Variants in SGCD observed in about 807,000 individuals in gnomAD.
SGCD encodes the protein sarcoglycan delta.
Under a neutral mutation model 36.6 loss-of-function variants are expected in SGCD, and 18 were observed. The observed-to-expected ratio is 0.49, with a 90% confidence interval of 0.34 to 0.73. The LOEUF (loss-of-function observed/expected upper bound fraction) is 0.73. SGCD is among the 30% of genes least tolerant of loss of function. The pLI, the probability that SGCD is intolerant of heterozygous loss-of-function variation, is 0.01. For synonymous variants in SGCD, 133 were observed against 130.6 expected, an observed-to-expected ratio of 1.02 and a Z score of -0.12; for missense variants, 387 against 346.7, an observed-to-expected ratio of 1.12 and a Z score of -0.92.
rs566224908 is a variant in SGCD, at chr5:156,079,859, G to A, written c.-281-38019G>A. Reference sequence around the variant, plus strand: ...AGCTGCTGGTGGATCTACCATTTTGGAATATGGAGGACCGTGGCCTCATTC... The same window carrying A: ...AGCTGCTGGTGGATCTACCATTTTGAAATATGGAGGACCGTGGCCTCATTC... On this transcript the variant is annotated intron_variant, in intron 1 of 9. Coordinates refer to the SGCD transcript ENST00000517913. 1.7e-3 allele frequency among the ~76,000 whole-genome samples: 252 copies of A among 152,288 alleles called. 1 individual carries two copies. The highest frequency in any genetic ancestry group is 5.6e-3 in the African/African-American group (234 of 41,558).
At chr5:155,872,364 C>G (rs1470229503) in intron 1 of SGCD, among the ~76,000 whole-genome samples, 2 of 151,572 alleles carry the variant, frequency 1.3e-5, no homozygotes, top group Non-Finnish European at 2.9e-5. Context: ...CACACACACA[C>G]ACACACACAC....
At chr5:156,438,115 G>C (rs1344712145) in intron 3 of SGCD, among the ~76,000 whole-genome samples, 1 of 152,164 alleles carries the variant, frequency 6.6e-6, no homozygotes, top group Non-Finnish European at 1.5e-5. Flanking sequence ...AATTAGGAGA[G>C]AGCATATTTG....
At chr5:155,915,583 T>A (rs1756718953) in intron 1 of SGCD, among the ~76,000 whole-genome samples, 2 of 152,184 alleles carry the variant, frequency 1.3e-5, no homozygotes, top group Admixed American at 1.3e-4. Context: ...CAATTTTATG[T>A]ATTGTTTCAT....
intron 1 of SGCD, among the ~76,000 whole-genome samples, chr5:155,906,721 A>T (rs1319079115): frequency 2.0e-5 from 3 of 152,070 alleles, no homozygotes; most frequent in Non-Finnish European, 4.4e-5. Context: ...AAGCTAGCAG[A>T]TGTTGGTTCA....
intron 3 of SGCD, among the ~76,000 whole-genome samples, chr5:156,490,049 A>G (rs1313728363): frequency 6.6e-6 from 1 of 152,048 alleles, no homozygotes; most frequent in Non-Finnish European, 1.5e-5. Flanking sequence ...CTGATCCGAC[A>G]CAAATGCAAG....
At chr5:156,652,221 C>G (rs895299334) in intron 7 of SGCD, among the ~76,000 whole-genome samples, 2 of 151,966 alleles carry the variant, frequency 1.3e-5, no homozygotes, top group Admixed American at 1.3e-4. Context: ...TGGCTTACAC[C>G]TGTAATCCCA....
intron 3 of SGCD, among the ~76,000 whole-genome samples, chr5:156,359,294 C>A (rs1424465007): frequency 6.6e-6 from 1 of 152,176 alleles, no homozygotes; most frequent in Non-Finnish European, 1.5e-5. Context: ...TGGCCACTTA[C>A]AGGTATATCA....
chr5:156,304,244 T>C (rs898842251), intron 3 of SGCD, among the ~76,000 whole-genome samples: 3 of 152,228 alleles, frequency 2.0e-5, no homozygotes, highest in Non-Finnish European at 4.4e-5. Context: ...AGTTAGTTGA[T>C]ACAGTTTGAC....
At chr5:156,010,190 T>C (rs1234718290) in intron 1 of SGCD, among the ~76,000 whole-genome samples, 1 of 152,222 alleles carries the variant, frequency 6.6e-6, no homozygotes, top group African/African-American at 2.4e-5. Flanking sequence ...GTGGTACTTA[T>C]CATAACTTTC....
chr5:156,146,199 C>T (rs574402922), intron 3 of SGCD, among the ~76,000 whole-genome samples: 8 of 152,148 alleles, frequency 5.3e-5, no homozygotes, highest in East Asian at 1.9e-4. Context: ...GGCGACAGAG[C>T]GAGACTCCAT....
At chr5:155,881,742 G>T (rs769104266) in intron 1 of SGCD, among the ~76,000 whole-genome samples, 1 of 152,166 alleles carries the variant, frequency 6.6e-6, no homozygotes, top group Non-Finnish European at 1.5e-5. Context: ...TGATCCTCTC[G>T]AATCCTGCTG....
At chr5:155,777,631 C>T in the SGCD span, among the ~76,000 whole-genome samples, 2 of 152,200 alleles carry the variant, frequency 1.3e-5, no homozygotes, top group Non-Finnish European at 2.9e-5. Flanking sequence ...GCTGGGATTA[C>T]AGTTGGGAGC....
upstream of SGCD, among the ~76,000 whole-genome samples, chr5:155,868,133 C>A (rs1268465818): frequency 4.0e-5 from 6 of 151,866 alleles, no homozygotes; most frequent in African/African-American, 1.5e-4. Context: ...CTCACTACAA[C>A]CTCTGCCTCC....
chr5:156,153,195 A>G lies in SGCD; in HGVS notation c.-44+29176A>G, dbSNP rs537813144. ...ACTGAATGTTGCAAACCTGTCACAGAGTCATAGATAAGTAGCCTTGCAAAG... is the reference window on the plus strand; with the variant it reads ...ACTGAATGTTGCAAACCTGTCACAGGGTCATAGATAAGTAGCCTTGCAAAG... On this transcript the variant is annotated intron_variant, in intron 3 of 9. Transcript: ENST00000517913. Among the ~76,000 whole-genome samples the G allele has an allele frequency of 3.9e-4, 59 of 151,526 alleles. 1 individual carries two copies. The South Asian group carries it at 0.012, about 31-fold the overall frequency.
At chr5:155,994,265 T>C (rs898607034) in intron 1 of SGCD, among the ~76,000 whole-genome samples, 2 of 152,218 alleles carry the variant, frequency 1.3e-5, no homozygotes, top group Admixed American at 6.5e-5. Context: ...CTTGGTTTTC[T>C]CATCTAGAAA....
Position 156,764,432 on chromosome 5 carries a change from C to G in SGCD, c.*5042C>G, listed in dbSNP as rs957263186. ...CTGCTGCTTCAGCCAGCACAGCACA[C>G]CACACACGCTCGCACTTTCAAAAGC... On this transcript the variant is annotated 3_prime_UTR_variant, in exon 9 of 9. Coordinates refer to ENST00000337851, the MANE Select transcript of SGCD (RefSeq NM_000337.6). 4 of 152,634 alleles carry G rather than the reference C, an allele frequency of 2.6e-5. No homozygotes were observed. The highest frequency in any genetic ancestry group is 5.9e-5 in the Non-Finnish European group (4 of 68,032). The allele number at this position is 152,634 out of a possible 1,614,324, so 9.5% of individuals were successfully genotyped here.
intron 3 of SGCD, among the ~76,000 whole-genome samples, chr5:156,408,926 C>A (rs894597845): frequency 3.3e-5 from 5 of 152,090 alleles, no homozygotes; most frequent in Non-Finnish European, 7.4e-5. Flanking sequence ...GGGGTAATAG[C>A]CCCTCTTTGC....
intron 1 of SGCD, among the ~76,000 whole-genome samples, chr5:156,083,572 G>A (rs923671453): frequency 6.7e-6 from 1 of 150,278 alleles, no homozygotes; most frequent in Admixed American, 6.6e-5. Context: ...TGGAATTACA[G>A]GTATGAGCCA....
chr5:155,793,448 A>G, the SGCD span, among the ~76,000 whole-genome samples: 3 of 152,182 alleles, frequency 2.0e-5, no homozygotes, highest in Non-Finnish European at 2.9e-5. Flanking sequence ...TATGGACTAG[A>G]TAGTAGATTA....
Sources: allele counts gnomAD v4.1 joint callset (sites outside exome capture counted in the v4.1 genomes callset), GRCh38; gene constraint gnomAD v4.1.1; transcripts MANE v1.5; gene names NCBI Gene and HGNC (gene_info 2026-07-23, HGNC 2026-07-21).